RANBP17: variants seen among roughly 807,000 people sequenced by gnomAD.
RANBP17 encodes ran-binding protein 17.
RANBP17 carries 158 observed loss-of-function variants against 141.2 expected under a neutral mutation model. The observed-to-expected ratio is 1.12, with a 90% CI of 0.98 to 1.28. RANBP17 has a LOEUF of 1.28. Ranked by LOEUF, RANBP17 falls within the 50% of genes most tolerant of loss-of-function variation. The probability of loss-of-function intolerance (pLI) is 0.00; values close to 1 mark genes in which losing one functional copy is unlikely to be tolerated. For synonymous variants in RANBP17, 430 were observed against 450.0 expected, an observed-to-expected ratio of 0.96 and a Z score of 0.56; for missense variants, 1,438 against 1,290.7, an observed-to-expected ratio of 1.11 and a Z score of -1.75.
chr5:171,124,608 C>CA (rs893919124), intron 14 of RANBP17, among the ~76,000 whole-genome samples: 4 of 151,736 alleles, frequency 2.6e-5, no homozygotes, highest in Non-Finnish European at 4.4e-5. Context: ...AAGATAATTA[C>CA]AAAAAACAAC....
intron 22 of RANBP17, 28 bp from the exon 23 acceptor site, chr5:171,240,900 G>T: frequency 6.7e-7 from 1 of 1,497,772 alleles, no homozygotes. Flanking sequence ...ATCTACTTAT[G>T]TCACTTTCTG....
At chr5:170,973,507 TAAAG>T (rs1479029966) in intron 14 of RANBP17, among the ~76,000 whole-genome samples, 5 of 152,044 alleles carry the variant, frequency 3.3e-5, no homozygotes, top group African/African-American at 4.8e-5. Flanking sequence ...GACAAAGTAA[TAAAG>T]AAAAGCTGTA....
rs1762436202 is a variant in RANBP17 at position 171,203,917 on chromosome 5, A to G, written c.2143-1607A>G. ...ACTTTAATAGAAACACTGCAAAGCC[A>G]AGGAGTCAGAATAGAATAGTTTGAA... On this transcript the variant is annotated intron_variant, in intron 19 of 27. Coordinates refer to ENST00000523189, the MANE Select transcript of RANBP17 (RefSeq NM_022897.5). 2.6e-5 allele frequency among the ~76,000 whole-genome samples: 4 copies of G among 152,304 alleles called. No homozygotes were observed. In the South Asian group the frequency reaches 8.3e-4, roughly 32 times the overall value.
chr5:170,881,134 TA>T (rs1470013025), intron 2 of RANBP17, among the ~76,000 whole-genome samples: 1 of 152,184 alleles, frequency 6.6e-6, no homozygotes, highest in East Asian at 1.9e-4. Flanking sequence ...AAAAGCTGTT[TA>T]AAATTGCAAA....
intron 14 of RANBP17, among the ~76,000 whole-genome samples, chr5:170,995,253 C>A (rs891532019): frequency 6.6e-6 from 1 of 151,964 alleles, no homozygotes; most frequent in African/African-American, 2.4e-5. Flanking sequence ...AAGCTACGTA[C>A]CCATTTTTGC....
chr5:171,239,790 T>C (rs1425279228), intron 22 of RANBP17, among the ~76,000 whole-genome samples: 2 of 152,142 alleles, frequency 1.3e-5, no homozygotes, highest in African/African-American at 4.8e-5. Context: ...CTTGGAGATA[T>C]TGGTCAGCAG....
At chr5:170,999,628 C>G (rs1010014107) in intron 14 of RANBP17, among the ~76,000 whole-genome samples, 1 of 152,044 alleles carries the variant, frequency 6.6e-6, no homozygotes, top group Non-Finnish European at 1.5e-5. Flanking sequence ...TGGGAATTCT[C>G]AAAGATAATT....
At chr5:171,146,782 T>C (rs868161393) in intron 14 of RANBP17, among the ~76,000 whole-genome samples, 1 of 152,190 alleles carries the variant, frequency 6.6e-6, no homozygotes, top group Non-Finnish European at 1.5e-5. Flanking sequence ...TATATACATA[T>C]ATCCTTCATA....
chr5:171,026,299 G>A (rs1157254036), intron 14 of RANBP17, among the ~76,000 whole-genome samples: 1 of 152,110 alleles, frequency 6.6e-6, no homozygotes, highest in Admixed American at 6.5e-5. Context: ...CCATTTTTAT[G>A]TGGGGAAACA....
chr5:171,054,246 A>T (rs188748799), intron 14 of RANBP17, among the ~76,000 whole-genome samples: 8 of 152,188 alleles, frequency 5.3e-5, no homozygotes, highest in Non-Finnish European at 1.0e-4. Context: ...AAGCAAGTTT[A>T]TTAAGAAAGT....
At chr5:171,031,772 A>G (rs1781564947) in intron 14 of RANBP17, among the ~76,000 whole-genome samples, 1 of 151,962 alleles carries the variant, frequency 6.6e-6, no homozygotes, top group Admixed American at 6.6e-5. Flanking sequence ...GAAATATTCC[A>G]CCTAGCTTTT....
At chr5:170,867,755 G>A (rs1309872451) in intron 1 of RANBP17, among the ~76,000 whole-genome samples, 1 of 152,154 alleles carries the variant, frequency 6.6e-6, no homozygotes, top group Non-Finnish European at 1.5e-5. Context: ...CTTTACTGAA[G>A]TACAATTGAT....
intron 14 of RANBP17, among the ~76,000 whole-genome samples, chr5:171,071,756 T>C (rs940275421): frequency 5.4e-5 from 8 of 147,012 alleles, no homozygotes; most frequent in African/African-American, 2.0e-4. Flanking sequence ...ATGTATAACA[T>C]AAAACTATAA....
intron 5 of RANBP17, chr5:170,897,359 C>T: frequency 2.3e-5 from 9 of 395,712 alleles, no homozygotes; most frequent in Middle Eastern, 4.9e-4. Flanking sequence ...TCTTCTTCTT[C>T]TTTTTTTTTT....
At chr5:171,293,794 AG>A (rs1274528787) in intron 25 of RANBP17, 88 bp from the exon 26 acceptor site, 1 of 907,720 alleles carries the variant, frequency 1.1e-6, no homozygotes, top group Non-Finnish European at 1.8e-6. Context: ...AGCAAGATGG[AG>A]GGGTGGAATC....
intron 12 of RANBP17, among the ~76,000 whole-genome samples, chr5:170,945,486 C>T (rs968118340): frequency 6.6e-6 from 1 of 152,152 alleles, no homozygotes; most frequent in African/African-American, 2.4e-5. Flanking sequence ...CTTGTCACAA[C>T]TCTATGGGCC....
chr5:171,267,151 C>G (rs1228585461), intron 25 of RANBP17, among the ~76,000 whole-genome samples: 1 of 150,324 alleles, frequency 6.7e-6, no homozygotes, highest in Non-Finnish European at 1.5e-5. Flanking sequence ...ACACTTCAGC[C>G]TCTTCCTGAG....
intron 14 of RANBP17, among the ~76,000 whole-genome samples, chr5:171,011,813 G>A (rs947067563): frequency 1.3e-5 from 2 of 151,552 alleles, no homozygotes; most frequent in East Asian, 1.9e-4. Context: ...GTTGTTTCTC[G>A]TTTGTCCCAG....
intron 14 of RANBP17, among the ~76,000 whole-genome samples, chr5:171,102,421 G>A (rs1023289173): frequency 4.6e-5 from 7 of 151,542 alleles, no homozygotes; most frequent in Non-Finnish European, 1.0e-4. Flanking sequence ...CAAACTTCTC[G>A]TGCTGTTTTT....
Sources: gnomAD v4.1 joint callset for allele counts (sites outside exome capture counted in the v4.1 genomes callset) on GRCh38, gnomAD v4.1.1 for gene constraint, MANE v1.5 for transcripts, NCBI Gene and HGNC (gene_info 2026-07-23, HGNC 2026-07-21) for gene names.